Variants in PIK3CB observed in about 807,000 individuals in gnomAD.
The protein encoded by PIK3CB is phosphatidylinositol-4,5-bisphosphate 3-kinase catalytic subunit beta.
A neutral mutation model predicts 136.8 loss-of-function variants in PIK3CB; 39 were observed. That is an observed-to-expected ratio of 0.29 (90% confidence interval 0.22 to 0.37). The LOEUF (loss-of-function observed/expected upper bound fraction) is 0.37, where lower values mean the gene tolerates loss of function less well. PIK3CB is among the 10% of genes least tolerant of loss of function. The pLI is 1.00. For missense variants in PIK3CB, 868 were observed against 1,275.4 expected, an observed-to-expected ratio of 0.68 and a Z score of 4.87; for synonymous variants, 428 against 436.6, an observed-to-expected ratio of 0.98 and a Z score of 0.25.
chr3:138,796,212 G>A (rs1002964001), intron 2 of PIK3CB, among the ~76,000 whole-genome samples: 6 of 151,766 alleles, frequency 4.0e-5, no homozygotes, highest in Non-Finnish European at 7.4e-5. Context: ...GTGAAACCCC[G>A]TCTCTACTAA....
In PIK3CB at chr3:138,783,388, C is replaced by T. The variant is rs117480890; in HGVS notation, c.-17+13075G>A. On this transcript the variant is annotated intron_variant, in intron 2 of 23. Transcript: ENST00000674063. ...CGTCAACCTCTGGAGCTCAAATGAT[C>T]CTCCTATCTCAGCCTCTCAAGTAGC... 3.1e-3 allele frequency among the ~76,000 whole-genome samples: 464 copies of T among 151,940 alleles called. 12 individuals carry two copies. In the East Asian group the frequency reaches 0.068, roughly 22 times the overall value.
chr3:138,730,524 T>C (rs902349500), intron 8 of PIK3CB, among the ~76,000 whole-genome samples: 2 of 152,192 alleles, frequency 1.3e-5, no homozygotes, highest in East Asian at 1.9e-4. Context: ...TGTTACTACG[T>C]AGATTCTATA....
chr3:138,783,269 G>A lies in PIK3CB; in HGVS notation c.-17+13194C>T, dbSNP rs145838358. On this transcript the variant is annotated intron_variant, in intron 2 of 23. Transcript: ENST00000674063. ...AACATGTTAATTTGAGGCAGATAAA[G>A]AGGGTGATTTTTTTTTTTTTAATTT... 1.5e-3 allele frequency among the ~76,000 whole-genome samples: 231 copies of A among 152,160 alleles called. 4 individuals are homozygous for A. The East Asian group carries it at 0.036, about 23-fold the overall frequency.
At chr3:138,733,158 CAA>C (rs1361330962) in intron 8 of PIK3CB, among the ~76,000 whole-genome samples, 2 of 151,284 alleles carry the variant, frequency 1.3e-5, no homozygotes, top group South Asian at 2.1e-4. Context: ...TCTAATGATT[CAA>C]AAGTCTTTGA....
At chr3:138,821,025 G>A (rs1234959915) in intron 1 of PIK3CB, among the ~76,000 whole-genome samples, 2 of 152,108 alleles carry the variant, frequency 1.3e-5, no homozygotes, top group Non-Finnish European at 2.9e-5. Flanking sequence ...GGTGGCTCAC[G>A]CCTGTAATCC....
intron 2 of PIK3CB, among the ~76,000 whole-genome samples, chr3:138,777,439 A>G (rs1460917904): frequency 4.6e-5 from 7 of 152,212 alleles, no homozygotes; most frequent in African/African-American, 1.7e-4. Flanking sequence ...GAGGCCAAGG[A>G]TAAGTGTTGA....
At chr3:138,731,139 A>G (rs1202720014) in intron 8 of PIK3CB, among the ~76,000 whole-genome samples, 2 of 152,198 alleles carry the variant, frequency 1.3e-5, no homozygotes, top group Admixed American at 6.5e-5. Flanking sequence ...ATATGTTTAT[A>G]TATATTTTTA....
rs1436693826 is a variant in PIK3CB at position 138,742,546 on chromosome 3, A to G, written c.621+12T>C. The G allele has an allele frequency of 2.3e-6, 3 of 1,284,008 alleles. No homozygotes were observed. Among genetic ancestry groups the G allele is most frequent in the Non-Finnish European group, 2.2e-6 (2 of 904,516 alleles). 79.5% of individuals were successfully genotyped at this position (1,284,008 alleles called of 1,614,324 possible). A position where few individuals can be genotyped will look rare whatever the true frequency, so the allele number is the denominator to read the frequency against. On this transcript the variant is annotated intron_variant, in intron 5 of 23. Coordinates refer to ENST00000674063, the MANE Select transcript of PIK3CB (RefSeq NM_006219.3). ...TTATTACAAAATATTTCTTAAAAAA[A>G]TATAATCCTACCTGGCAGTTTTCAA...
intron 19 of PIK3CB, among the ~76,000 whole-genome samples, chr3:138,677,320 A>G (rs950427702): frequency 1.3e-5 from 2 of 152,112 alleles, no homozygotes; most frequent in Admixed American, 6.5e-5. Context: ...TGGCCTCTCA[A>G]AGTGCTGGGT....
chr3:138,663,637 A>C (rs1487733424), intron 21 of PIK3CB, among the ~76,000 whole-genome samples: 1 of 152,026 alleles, frequency 6.6e-6, no homozygotes, highest in Non-Finnish European at 1.5e-5. Flanking sequence ...CCGGCTCGGG[A>C]TCCCAAAGTG....
intron 5 of PIK3CB, among the ~76,000 whole-genome samples, chr3:138,741,241 A>G (rs1343604428): frequency 6.6e-6 from 1 of 152,216 alleles, no homozygotes; most frequent in Non-Finnish European, 1.5e-5. Context: ...ACTGGGTAAA[A>G]CCAGAGACAC....
intron 1 of PIK3CB, among the ~76,000 whole-genome samples, chr3:138,829,342 G>T (rs1228230571): frequency 6.6e-6 from 1 of 152,070 alleles, no homozygotes; most frequent in East Asian, 1.9e-4. Flanking sequence ...GAATCCACTG[G>T]AACAGGAGAA....
chr3:138,768,707 A>G (rs1453569339), intron 2 of PIK3CB, among the ~76,000 whole-genome samples: 1 of 151,956 alleles, frequency 6.6e-6, no homozygotes, highest in Admixed American at 6.6e-5. Flanking sequence ...CTTCCCTCCT[A>G]TGTTCATTGG....
chr3:138,667,261 TGGA>T (rs1251210583), intron 19 of PIK3CB, among the ~76,000 whole-genome samples: 1 of 143,024 alleles, frequency 7.0e-6, no homozygotes, highest in East Asian at 2.1e-4. Flanking sequence ...ACAGCAGGGC[TGGA>T]GGAGAGCACA....
rs2043833055 is a variant in PIK3CB, at chr3:138,683,994, T to C, written c.2316-207A>G. 7.9e-5 allele frequency among the ~76,000 whole-genome samples: 12 copies of C among 152,362 alleles called. No homozygotes were observed. The South Asian group carries it at 2.5e-3, about 32-fold the overall frequency. On this transcript the variant is annotated intron_variant, in intron 17 of 23. Coordinates refer to ENST00000674063, the MANE Select transcript of PIK3CB (RefSeq NM_006219.3). Reference sequence around the variant, plus strand: ...TATACTAATGCCAGATAGGCTGGACTCAAAACCTAAGATTGGCCCTTCTCA... The same window carrying C: ...TATACTAATGCCAGATAGGCTGGACCCAAAACCTAAGATTGGCCCTTCTCA...
At chr3:138,819,844 A>G (rs1373922257) in intron 1 of PIK3CB, among the ~76,000 whole-genome samples, 1 of 152,150 alleles carries the variant, frequency 6.6e-6, no homozygotes, top group Non-Finnish European at 1.5e-5. Flanking sequence ...GCATGGTCAC[A>G]AGTGTCTGTA....
chr3:138,683,899 T>G (rs773479943), intron 17 of PIK3CB, 112 bp from the exon 18 acceptor site: 22 of 656,026 alleles, frequency 3.4e-5, no homozygotes, highest in African/African-American at 5.4e-5. Context: ...CTGTCAGGTC[T>G]GCAGAAGAGT....
At chr3:138,774,495 T>C (rs138513419) in intron 2 of PIK3CB, among the ~76,000 whole-genome samples, 31 of 152,330 alleles carry the variant, frequency 2.0e-4, no homozygotes, top group East Asian at 1.2e-3. Flanking sequence ...ATGGGTCCAA[T>C]AGACTAACTG....
chr3:138,792,492 G>A (rs997295770), intron 2 of PIK3CB, among the ~76,000 whole-genome samples: 4 of 152,248 alleles, frequency 2.6e-5, no homozygotes, highest in South Asian at 2.1e-4. Context: ...TTCCACTTCA[G>A]CCTCCCAAGT....
Sources: allele counts gnomAD v4.1 joint callset (sites outside exome capture counted in the v4.1 genomes callset), GRCh38; gene constraint gnomAD v4.1.1; transcripts MANE v1.5; gene names NCBI Gene and HGNC (gene_info 2026-07-23, HGNC 2026-07-21).